The following TRPM3 variants were observed in gnomAD, a reference collection of about 807,000 sequenced individuals.
The protein encoded by TRPM3 is transient receptor potential cation channel subfamily M member 3.
In TRPM3, 77 loss-of-function variants were observed where a neutral mutation model predicts 181.2. The observed-to-expected ratio is 0.42, with a 90% CI of 0.35 to 0.51. TRPM3 has a LOEUF of 0.51. Ranked by LOEUF, TRPM3 falls within the 20% of genes least tolerant of loss-of-function variation. The probability of loss-of-function intolerance (pLI) is 0.01; values close to 1 mark genes in which losing one functional copy is unlikely to be tolerated. For missense variants in TRPM3, 1,759 were observed against 2,196.7 expected (o/e 0.80, Z 3.98); for synonymous variants, 745 against 796.4 (o/e 0.94, Z 1.09).
Position 70,598,531 on chromosome 9 carries a change from C to A in TRPM3, c.2936G>T (p.Ser979Ile), listed in dbSNP as rs761768732. ...ILRLQDQPFRSDGRVIYCVNI... is the reference protein window; with the variant it reads ...ILRLQDQPFRIDGRVIYCVNI... ...CACGCAGTAGATGACCCTCCCGTCACTCCTGAAGGGCTGGTCTTGGAGACG... is the reference window on the plus strand; with the variant it reads ...CACGCAGTAGATGACCCTCCCGTCAATCCTGAAGGGCTGGTCTTGGAGACG... The change falls in exon 21 of 26, where the codon AGT becomes ATT. Residue 979 changes from serine (S) to isoleucine (I), a missense_variant. By Grantham distance (142) the Ser-to-Ile change is moderately radical (BLOSUM62 -2). Transcript: ENST00000677713. 1.2e-6 allele frequency: 2 copies of A among 1,614,232 alleles called. No individual in the cohort carries two copies. Among genetic ancestry groups the A allele is most frequent in the Non-Finnish European group, 1.7e-6 (2 of 1,180,042 alleles).
rs2065247715 is a variant in TRPM3, at chr9:70,629,215, C to CGTG, written c.1633-3699_1633-3698insCAC. 2.0e-4 allele frequency among the ~76,000 whole-genome samples: 2 copies of CGTG among 10,162 alleles called. 1 individual carries two copies. The highest frequency in any genetic ancestry group is 0.016 in the East Asian group (2 of 126). 6.7% of individuals were successfully genotyped at this position (10,162 alleles called of 152,430 possible). On this transcript the variant is annotated intron_variant, in intron 12 of 25. Coordinates refer to ENST00000677713, the MANE Select transcript of TRPM3 (RefSeq NM_001366145.2). The stretch of plus-strand genomic sequence containing the variant: ...GGATAAATGATTCTGTGACCAGTGC[C>CGTG]GGGGGGGGGGGGGGCCTGCGTTCTG...
intron 1 of TRPM3, among the ~76,000 whole-genome samples, chr9:71,257,332 G>C (rs1286733721): frequency 6.6e-6 from 1 of 152,152 alleles, no homozygotes; most frequent in Admixed American, 6.6e-5. Flanking sequence ...GTGTAAAGAA[G>C]AGAGAGTAGA....
chr9:71,271,855 A>G (rs1372527733), intron 1 of TRPM3, among the ~76,000 whole-genome samples: 1 of 152,178 alleles, frequency 6.6e-6, no homozygotes, highest in East Asian at 1.9e-4. Context: ...CATGAAAGAA[A>G]GGGGCAAACT....
chr9:70,661,875 A>G lies in TRPM3; in HGVS notation c.1345+19631T>C, dbSNP rs75582629. Among the ~76,000 whole-genome samples, 698 of 152,258 alleles carry G rather than the reference A, an allele frequency of 4.6e-3. 4 individuals carry two copies. Among genetic ancestry groups the G allele is most frequent in the African/African-American group, 0.015 (640 of 41,568 alleles). On this transcript the variant is annotated intron_variant, in intron 9 of 25. Coordinates refer to ENST00000677713, the MANE Select transcript of TRPM3 (RefSeq NM_001366145.2). ...TCAAAGCAATCTACAGATTCAATGC[A>G]ATTCCCATCAAAATACCATAATTCT...
intron 1 of TRPM3, among the ~76,000 whole-genome samples, chr9:71,184,846 G>T (rs1587835401): frequency 6.6e-6 from 1 of 152,204 alleles, no homozygotes; most frequent in East Asian, 1.9e-4. Context: ...CCAGAGGAAG[G>T]TGCACCTGAG....
intron 12 of TRPM3, among the ~76,000 whole-genome samples, chr9:70,627,265 CTTT>C (rs1175860330): frequency 0.019 from 1,542 of 79,514 alleles, 21 homozygotes; most frequent in African/African-American, 0.068. Flanking sequence ...TCCATTGCTG[CTTT>C]TTTTTTTTTT....
intron 1 of TRPM3, among the ~76,000 whole-genome samples, chr9:70,886,529 C>A (rs758368655): frequency 4.6e-5 from 7 of 152,104 alleles, no homozygotes; most frequent in Non-Finnish European, 1.0e-4. Flanking sequence ...ACCTTTGCTG[C>A]CCTGAACTCA....
intron 1 of TRPM3, among the ~76,000 whole-genome samples, chr9:71,361,777 T>G (rs2132729609): frequency 6.6e-6 from 1 of 152,338 alleles, no homozygotes; most frequent in East Asian, 1.9e-4. Context: ...CAGTCTATAC[T>G]ACACTGTAAT....
chr9:71,141,475 T>C (rs1279111880), intron 1 of TRPM3, among the ~76,000 whole-genome samples: 1 of 152,220 alleles, frequency 6.6e-6, no homozygotes, highest in East Asian at 1.9e-4. Context: ...TTTCATTCTT[T>C]TACTGATTAT....
At chr9:70,955,095 C>T (rs539826282) in intron 1 of TRPM3, among the ~76,000 whole-genome samples, 39 of 152,174 alleles carry the variant, frequency 2.6e-4, no homozygotes, top group African/African-American at 8.4e-4. Context: ...TTTTCCCCGA[C>T]CTTTGTTTCT....
intron 1 of TRPM3, among the ~76,000 whole-genome samples, chr9:71,081,279 C>T (rs115059819): frequency 2.0e-3 from 311 of 152,222 alleles, no homozygotes; most frequent in African/African-American, 7.0e-3. Flanking sequence ...AATCTGTGGA[C>T]CTAATTAGGA....
At chr9:70,637,380 A>G (rs911551163) in intron 11 of TRPM3, among the ~76,000 whole-genome samples, 5 of 152,162 alleles carry the variant, frequency 3.3e-5, no homozygotes, top group African/African-American at 1.2e-4. Context: ...TCAACAAAGT[A>G]TTCCGGGAAG....
At position 71,165,974 on chromosome 9, in the gene TRPM3, A is replaced by G. The variant is rs1055621994; in HGVS notation, c.183+280679T>C. Among the ~76,000 whole-genome samples the G allele has an allele frequency of 2.6e-5, 4 of 152,028 alleles. No homozygotes were observed. The South Asian group carries it at 6.2e-4, about 24-fold the overall frequency. ...GCAGCCTATGTCAGCAGGTCTTAGA[A>G]GGACAAAAGTTCAATACACTCTTGA... On this transcript the variant is annotated intron_variant, in intron 1 of 24. Transcript: ENST00000357533.
intron 1 of TRPM3, among the ~76,000 whole-genome samples, chr9:71,011,507 C>G (rs2097739038): frequency 6.6e-6 from 1 of 151,894 alleles, no homozygotes; most frequent in Non-Finnish European, 1.5e-5. Context: ...CTGTGTTTTT[C>G]CCCATTTTTA....
At chr9:71,349,987 A>G (rs2091522902) in intron 1 of TRPM3, among the ~76,000 whole-genome samples, 1 of 129,638 alleles carries the variant, frequency 7.7e-6, no homozygotes, top group African/African-American at 3.0e-5. Context: ...ATATATATAT[A>G]TATATATATA....
At chr9:70,689,979 C>T (rs146998032) in intron 8 of TRPM3, among the ~76,000 whole-genome samples, 20 of 152,176 alleles carry the variant, frequency 1.3e-4, no homozygotes, top group Middle Eastern at 3.4e-3. Flanking sequence ...ATGAAATTGA[C>T]TCACTTTCAA....
rs189559599 is a variant in TRPM3, at chr9:71,195,163, C to T, written c.183+251490G>A. ...AAAAGCAAAACCTAATAAACGGGAT[C>T]TAATTTAACTGAAGAGCTTCCGCAC... On this transcript the variant is annotated intron_variant, in intron 1 of 24. Transcript: ENST00000357533. Among the ~76,000 whole-genome samples, 473 of 152,158 alleles carry T rather than the reference C, an allele frequency of 3.1e-3. 1 individual carries two copies. The highest frequency in any genetic ancestry group is 8.9e-3 in the South Asian group (43 of 4,826).
At chr9:70,570,525 T>C (rs1010072340) in intron 22 of TRPM3, among the ~76,000 whole-genome samples, 1 of 152,112 alleles carries the variant, frequency 6.6e-6, no homozygotes, top group Non-Finnish European at 1.5e-5. Flanking sequence ...GCCAGGCTGG[T>C]CTCGAACTCC....
chr9:70,959,820 TA>T (rs1376449788), intron 1 of TRPM3, among the ~76,000 whole-genome samples: 3 of 152,206 alleles, frequency 2.0e-5, no homozygotes, highest in Non-Finnish European at 4.4e-5. Flanking sequence ...ATCAACGTTA[TA>T]ATTTTCTCTT....
Sources: gnomAD v4.1 joint callset for allele counts (sites outside exome capture counted in the v4.1 genomes callset) on GRCh38, gnomAD v4.1.1 for gene constraint, MANE v1.5 for transcripts, NCBI Gene and HGNC (gene_info 2026-07-23, HGNC 2026-07-21) for gene names.